Variants in FNDC3A observed in about 807,000 individuals in gnomAD.
FNDC3A encodes the protein fibronectin type III domain containing 3A.
FNDC3A carries 32 observed loss-of-function variants against 148.9 expected under a neutral mutation model. The observed-to-expected ratio is 0.21, with a 90% CI of 0.16 to 0.29. The LOEUF (loss-of-function observed/expected upper bound fraction) is 0.29. FNDC3A is among the 10% of genes least tolerant of loss of function. FNDC3A has a pLI of 1.00. For missense variants in FNDC3A, 1,191 were observed against 1,452.8 expected, an observed-to-expected ratio of 0.82 and a Z score of 2.93; for synonymous variants, 472 against 473.6, an observed-to-expected ratio of 1.00 and a Z score of 0.04.
chr13:48,985,372 C>T (rs1462321925), intron 1 of FNDC3A, among the ~76,000 whole-genome samples: 1 of 152,124 alleles, frequency 6.6e-6, no homozygotes, highest in East Asian at 1.9e-4. Context: ...GTACGTTCTC[C>T]TGAGCCAGAA....
chr13:49,122,109 C>T (rs542739573), intron 4 of FNDC3A, among the ~76,000 whole-genome samples: 1 of 152,282 alleles, frequency 6.6e-6, no homozygotes, highest in South Asian at 2.1e-4. Flanking sequence ...AATAAAATAA[C>T]TGGCAAACTG....
At chr13:48,991,652 C>T (rs1036268691) in intron 1 of FNDC3A, among the ~76,000 whole-genome samples, 4 of 151,420 alleles carry the variant, frequency 2.6e-5, no homozygotes, top group African/African-American at 9.7e-5. Context: ...CACACCACTG[C>T]ACTCCAGCCT....
intron 3 of FNDC3A, among the ~76,000 whole-genome samples, chr13:49,081,778 G>A (rs1878487991): frequency 6.6e-6 from 1 of 152,180 alleles, no homozygotes; most frequent in Non-Finnish European, 1.5e-5. Flanking sequence ...TCAGTATTCA[G>A]TGAGGGACAA....
intron 2 of FNDC3A, among the ~76,000 whole-genome samples, chr13:49,057,939 C>A (rs904086853): frequency 2.0e-5 from 3 of 152,166 alleles, no homozygotes; most frequent in African/African-American, 7.2e-5. Flanking sequence ...TATCTCCCCC[C>A]CAAAATTTAT....
At chr13:49,160,925 C>T (rs545232116) in intron 8 of FNDC3A, among the ~76,000 whole-genome samples, 7 of 152,228 alleles carry the variant, frequency 4.6e-5, no homozygotes, top group Admixed American at 1.3e-4. Context: ...TGTAGTTATG[C>T]GGTTTTGAGT....
At chr13:49,194,641 A>AT (rs1012211069) in intron 19 of FNDC3A, among the ~76,000 whole-genome samples, 27 of 151,556 alleles carry the variant, frequency 1.8e-4, no homozygotes, top group African/African-American at 5.3e-4. Flanking sequence ...TAAACATTTG[A>AT]TTTTTTTTTA....
intron 17 of FNDC3A, 95 bp from the exon 18 acceptor site, chr13:49,190,920 C>T: frequency 1.4e-6 from 1 of 724,792 alleles, no homozygotes; most frequent in Non-Finnish European, 2.3e-6. Flanking sequence ...ATTATCAGTG[C>T]AATATTTGTG....
intron 8 of FNDC3A, among the ~76,000 whole-genome samples, chr13:49,162,073 C>T (rs558946201): frequency 6.6e-6 from 1 of 152,192 alleles, no homozygotes; most frequent in East Asian, 1.9e-4. Context: ...GTGAATCTGA[C>T]AGTTATGTGT....
At chr13:49,193,265 TAGAC>T (rs1885980031) in intron 19 of FNDC3A, among the ~76,000 whole-genome samples, 2 of 152,170 alleles carry the variant, frequency 1.3e-5, no homozygotes, top group Admixed American at 6.5e-5. Flanking sequence ...TATAGACAGA[TAGAC>T]AGACTTTTTT....
chr13:49,004,211 A>G (rs2137594445), intron 1 of FNDC3A, among the ~76,000 whole-genome samples: 1 of 152,274 alleles, frequency 6.6e-6, no homozygotes, highest in East Asian at 1.9e-4. Flanking sequence ...ACTAGAAGTA[A>G]TTTATTGAAG....
intron 2 of FNDC3A, among the ~76,000 whole-genome samples, chr13:49,043,181 G>C (rs1875085088): frequency 6.6e-6 from 1 of 151,464 alleles, no homozygotes; most frequent in Admixed American, 6.6e-5. Flanking sequence ...GCTTAGGCTG[G>C]TCTTGAACTC....
chr13:49,086,974 A>G (rs769134933), intron 3 of FNDC3A, among the ~76,000 whole-genome samples: 2 of 152,168 alleles, frequency 1.3e-5, no homozygotes, highest in African/African-American at 4.8e-5. Flanking sequence ...ACATTGTGTA[A>G]TAGTCTCAGG....
At chr13:49,082,171 T>A (rs1878521884) in intron 3 of FNDC3A, among the ~76,000 whole-genome samples, 1 of 152,008 alleles carries the variant, frequency 6.6e-6, no homozygotes, top group South Asian at 2.1e-4. Context: ...GGATCACCTG[T>A]GGTCAGGAGT....
chr13:49,138,425 G>A (rs1882504657), intron 6 of FNDC3A, among the ~76,000 whole-genome samples: 1 of 152,062 alleles, frequency 6.6e-6, no homozygotes, highest in Admixed American at 6.6e-5. Flanking sequence ...GAACTTTCCA[G>A]AGAGAATATT....
At chr13:49,156,547 A>G (rs989642782) in intron 8 of FNDC3A, among the ~76,000 whole-genome samples, 175 of 147,654 alleles carry the variant, frequency 1.2e-3, no homozygotes, top group African/African-American at 4.1e-3. Flanking sequence ...TTATGTGTGA[A>G]TTTGATCCTG....
At chr13:48,978,630 G>A (rs1951643825) in intron 1 of FNDC3A, among the ~76,000 whole-genome samples, 1 of 151,988 alleles carries the variant, frequency 6.6e-6, no homozygotes, top group Admixed American at 6.5e-5. Context: ...AGATAACTAA[G>A]TGATTAGTGT....
Position 49,136,239 on chromosome 13 carries a change from TATATG to T in FNDC3A, c.491-89_491-85del, listed in dbSNP as rs1882348146. ...TCTTTTAAATATTTTATAAAAGTTT[TATATG>T]ATAGATTTATTTTCTGTTCTTTTTT... On this transcript the variant is annotated intron_variant, in intron 5 of 25. Transcript: ENST00000492622. The T allele has an allele frequency of 6.5e-6, 7 of 1,084,242 alleles. 1 individual carries two copies. The South Asian group carries it at 1.1e-4, about 17-fold the overall frequency. The allele number at this position is 1,084,242 out of a possible 1,614,324, so 67.2% of individuals were successfully genotyped here.
chr13:49,163,702 C>T (rs1884298773), intron 8 of FNDC3A, among the ~76,000 whole-genome samples: 1 of 152,192 alleles, frequency 6.6e-6, no homozygotes, highest in Admixed American at 6.5e-5. Flanking sequence ...ATAAATCACC[C>T]ATCTTCTGTA....
chr13:49,170,428 T>G (rs561820511), intron 10 of FNDC3A, among the ~76,000 whole-genome samples: 1 of 152,288 alleles, frequency 6.6e-6, no homozygotes, highest in South Asian at 2.1e-4. Flanking sequence ...CTATGGTGGT[T>G]AACATGGGAG....
Sources: allele counts gnomAD v4.1 joint callset (sites outside exome capture counted in the v4.1 genomes callset), GRCh38; gene constraint gnomAD v4.1.1; transcripts MANE v1.5; gene names NCBI Gene and HGNC (gene_info 2026-07-23, HGNC 2026-07-21).